Variants in NUBPL observed in about 807,000 individuals in gnomAD.
The protein encoded by NUBPL is NUBP iron-sulfur cluster assembly factor, mitochondrial.
Under a neutral mutation model 45.7 loss-of-function variants are expected in NUBPL, and 31 were observed. That is an observed-to-expected ratio of 0.68 (90% CI 0.51 to 0.92). The LOEUF is 0.92. NUBPL is among the 40% of genes least tolerant of loss of function. The pLI is 0.00. For synonymous variants in NUBPL, 144 were observed against 140.9 expected, an observed-to-expected ratio of 1.02 and a Z score of -0.15; for missense variants, 401 against 398.7, an observed-to-expected ratio of 1.01 and a Z score of -0.05.
At chr14:31,770,547 G>A (rs1749922983) in intron 6 of NUBPL, among the ~76,000 whole-genome samples, 1 of 152,158 alleles carries the variant, frequency 6.6e-6, no homozygotes. Context: ...GAGTAATTGA[G>A]GAAGTTACGA....
At chr14:31,657,301 C>G (rs2036163279) in intron 4 of NUBPL, among the ~76,000 whole-genome samples, 1 of 152,060 alleles carries the variant, frequency 6.6e-6, no homozygotes, top group Non-Finnish European at 1.5e-5. Context: ...ATATATGGGC[C>G]ATTCATATAA....
chr14:31,719,287 G>A (rs950726655), intron 6 of NUBPL, among the ~76,000 whole-genome samples: 6 of 152,152 alleles, frequency 3.9e-5, no homozygotes, highest in Non-Finnish European at 8.8e-5. Context: ...TACTGAATAT[G>A]TATTGCTTTC....
chr14:31,831,406 C>A (rs1388460177), intron 8 of NUBPL, among the ~76,000 whole-genome samples: 1 of 151,896 alleles, frequency 6.6e-6, no homozygotes, highest in Non-Finnish European at 1.5e-5. Context: ...TACTCCTTTT[C>A]TAACTGTTTT....
At chr14:31,683,608 C>T (rs1476260920) in intron 6 of NUBPL, among the ~76,000 whole-genome samples, 1 of 152,096 alleles carries the variant, frequency 6.6e-6, no homozygotes, top group Admixed American at 6.5e-5. Flanking sequence ...GCCTCAGCCC[C>T]CCAAAGTGCT....
intron 3 of NUBPL, among the ~76,000 whole-genome samples, chr14:31,585,108 A>T (rs560070905): frequency 6.6e-6 from 1 of 152,272 alleles, no homozygotes; most frequent in South Asian, 2.1e-4. Flanking sequence ...TTCACTCAGC[A>T]TGTTTTCAAG....
intron 6 of NUBPL, among the ~76,000 whole-genome samples, chr14:31,724,843 G>T (rs1169714684): frequency 1.3e-5 from 2 of 152,126 alleles, no homozygotes; most frequent in South Asian, 4.1e-4. Context: ...GGAAAAAAAG[G>T]CAAGATAAGA....
intron 6 of NUBPL, among the ~76,000 whole-genome samples, chr14:31,728,943 A>C (rs1306383327): frequency 3.3e-5 from 5 of 152,178 alleles, no homozygotes. Flanking sequence ...ATAATTAAGG[A>C]GTTTAAGCAC....
intron 3 of NUBPL, among the ~76,000 whole-genome samples, chr14:31,598,642 T>C (rs1307625021): frequency 1.3e-5 from 2 of 152,246 alleles, no homozygotes; most frequent in Non-Finnish European, 2.9e-5. Context: ...AGCAGCTGGA[T>C]GCATCATCAA....
chr14:31,615,826 T>C (rs1293596276), intron 4 of NUBPL, among the ~76,000 whole-genome samples: 1 of 152,220 alleles, frequency 6.6e-6, no homozygotes, highest in Non-Finnish European at 1.5e-5. Flanking sequence ...ATGGGATTGC[T>C]GGGTCAAATG....
intron 4 of NUBPL, among the ~76,000 whole-genome samples, chr14:31,652,548 T>C (rs1251219504): frequency 1.3e-5 from 2 of 152,194 alleles, no homozygotes; most frequent in Non-Finnish European, 2.9e-5. Flanking sequence ...ACCATAAATA[T>C]ATATAAATTT....
intron 7 of NUBPL, among the ~76,000 whole-genome samples, chr14:31,815,106 GAATATATAAATTACTTTGGGC>G (rs2138922311): frequency 6.6e-6 from 1 of 152,254 alleles, no homozygotes; most frequent in Admixed American, 6.5e-5. Context: ...GGATAGCATT[GAATATATAAATTACTTTGGGC>G]AGTATCGCCA....
chr14:31,746,901 C>G (rs2140010793), intron 6 of NUBPL, among the ~76,000 whole-genome samples: 1 of 151,674 alleles, frequency 6.6e-6, no homozygotes, highest in South Asian at 2.1e-4. Context: ...GAAACACTGT[C>G]TCTACAAAAA....
intron 6 of NUBPL, among the ~76,000 whole-genome samples, chr14:31,760,956 T>C (rs1400546227): frequency 1.3e-5 from 2 of 152,040 alleles, no homozygotes; most frequent in African/African-American, 4.8e-5. Flanking sequence ...CGCAGCCTGC[T>C]GAGTAGCTGG....
chr14:31,647,555 G>A (rs751710879), intron 4 of NUBPL, among the ~76,000 whole-genome samples: 16 of 152,150 alleles, frequency 1.1e-4, no homozygotes, highest in Admixed American at 2.0e-4. Context: ...TTGTGCACAG[G>A]GGACCTGTGT....
At chr14:31,829,921 A>T (rs2040163287) in intron 8 of NUBPL, among the ~76,000 whole-genome samples, 1 of 152,182 alleles carries the variant, frequency 6.6e-6, no homozygotes, top group South Asian at 2.1e-4. Context: ...TTTTAAACAA[A>T]ATAAAAATTT....
chr14:31,823,909 C>G (rs1054259042), intron 7 of NUBPL, among the ~76,000 whole-genome samples: 2 of 123,212 alleles, frequency 1.6e-5, no homozygotes, highest in African/African-American at 3.1e-5. Flanking sequence ...TGATTTCCAT[C>G]AGTCTTTGCA....
At chr14:31,818,000 A>G (rs2039950783) in intron 7 of NUBPL, among the ~76,000 whole-genome samples, 1 of 152,172 alleles carries the variant, frequency 6.6e-6, no homozygotes, top group Non-Finnish European at 1.5e-5. Context: ...AAAAAGGAAA[A>G]AAAGCATGGG....
chr14:31,673,401 A>T lies in NUBPL; in HGVS notation c.422+7A>T, dbSNP rs749433462. 6.2e-7 allele frequency: 1 copy of T among 1,607,244 alleles called. No individual in the cohort carries two copies. Among genetic ancestry groups the T allele is most frequent in the African/African-American group, 1.3e-5 (1 of 74,708 alleles). ...TGAATTATGGTATTGCTTGGTGAGC[A>T]TATATATATTTTTAATGTTACTTTT... On this transcript the variant is annotated splice_region_variant and intron_variant, in intron 5 of 10. Transcript: ENST00000281081.
At chr14:31,844,275 G>A (rs895928402) in intron 8 of NUBPL, 9 of 152,120 alleles carry the variant, frequency 5.9e-5, no homozygotes, top group Non-Finnish European at 1.2e-4. Flanking sequence ...TTCTTTAGGT[G>A]TTTTTCCTTT....
Sources: allele counts gnomAD v4.1 joint callset (sites outside exome capture counted in the v4.1 genomes callset), GRCh38; gene constraint gnomAD v4.1.1; transcripts MANE v1.5; gene names NCBI Gene and HGNC (gene_info 2026-07-23, HGNC 2026-07-21).